Variants in ANKK1 observed in about 807,000 individuals in gnomAD.
ANKK1 encodes the protein ankyrin repeat and kinase domain containing 1, also known as ankyrin repeat and protein kinase domain-containing protein 1.
Under a neutral mutation model 37.6 loss-of-function variants are expected in ANKK1, and 37 were observed. That is an observed-to-expected ratio of 0.98 (90% CI 0.76 to 1.29). The LOEUF is 1.29. Ranked by LOEUF, ANKK1 falls within the 50% of genes most tolerant of loss-of-function variation. The pLI, the probability that ANKK1 is intolerant of heterozygous loss-of-function variation, is 0.00. For synonymous variants in ANKK1, 415 were observed against 418.7 expected (o/e 0.99, Z 0.11); for missense variants, 1,019 against 990.6 (o/e 1.03, Z -0.39).
chr11:113,389,071 A>C (rs1950569185), intron 1 of ANKK1, among the ~76,000 whole-genome samples: 1 of 152,170 alleles, frequency 6.6e-6, no homozygotes, highest in African/African-American at 2.4e-5. Context: ...GAGAGGAAAA[A>C]TAAGATCGCC....
chr11:113,397,292 GC>G lies in ANKK1; in HGVS notation c.910del (p.Leu304TrpfsTer25). The G allele has an allele frequency of 6.2e-7, 1 of 1,612,704 alleles. No individual in the cohort carries two copies. The highest frequency in any genetic ancestry group is 8.5e-7 in the Non-Finnish European group (1 of 1,179,852). On this transcript the variant is annotated frameshift_variant, in exon 6 of 8. Coordinates refer to ENST00000303941, the MANE Select transcript of ANKK1 (RefSeq NM_178510.2). LOFTEE classifies it high-confidence loss of function. The part of the protein sequence containing the change: ...QSRVAVPESK[A>X]LARKVSCKLS... ...TCGTGTGGCAGTCCCAGAGAGCAAG[GC>G]CCTGGCCAGGAAGGTGTCCTGCAAG...
At position 113,393,761 on chromosome 11, in the gene ANKK1, A is replaced by T; in HGVS notation, c.466A>T (p.Asn156Tyr). 1 of 1,603,914 alleles carries T rather than the reference A, an allele frequency of 6.2e-7. No individual in the cohort carries two copies. The highest frequency in any genetic ancestry group is 8.5e-7 in the Non-Finnish European group (1 of 1,175,828). The change falls in exon 2 of 8, where the codon AAC (asparagine) becomes TAC (tyrosine). Residue 156 changes from asparagine (N) to tyrosine (Y), a missense_variant. Asn to Tyr is a moderately radical substitution (Grantham distance 143). Transcript: ENST00000303941. ...GCCGGGCAACATACTCCTGGACAGC[A>T]ACATGCATGTCAAAGTAAGGGCTCT... The part of the protein sequence containing the change: ...LKPGNILLDS[N>Y]MHVKISDFGL...
Position 113,390,389 on chromosome 11 carries a change from G to T in ANKK1, c.185+2320G>T, listed in dbSNP as rs78343810. On this transcript the variant is annotated intron_variant, in intron 1 of 7. Transcript: ENST00000303941. ...GAGTTGTCATGGACATCAGAGTAAA[G>T]GTTGGTGCTAACAATATTAAAACTT... Among the ~76,000 whole-genome samples the T allele has an allele frequency of 8.1e-3, 1,238 of 152,320 alleles. 12 individuals carry two copies. Among genetic ancestry groups the T allele is most frequent in the African/African-American group, 0.028 (1,175 of 41,562 alleles).
At position 113,399,652 on chromosome 11, in the gene ANKK1, C is replaced by CCAGAT. The variant is rs775129985; in HGVS notation, c.1683_1684insCAGAT (p.Gly562GlnfsTer15). 16 of 1,601,752 alleles carry CCAGAT rather than the reference C, an allele frequency of 1.0e-5. No individual in the cohort carries two copies. The Admixed American group carries it at 1.0e-4, about 10-fold the overall frequency. On this transcript the variant is annotated frameshift_variant, in exon 8 of 8. Coordinates refer to ENST00000303941, the MANE Select transcript of ANKK1 (RefSeq NM_178510.2). LOFTEE classifies it low-confidence loss of function (END_TRUNC). ...CTGATGCCCTTGACCAGAGCGGCTACGGCCCACTGCACACTGCAGCTGCCA... is the reference window on the plus strand; with the variant it reads ...CTGATGCCCTTGACCAGAGCGGCTACCAGATGGCCCACTGCACACTGCAGCTGCCA...
chr11:113,399,024 G>T lies in ANKK1; in HGVS notation c.1055G>T (p.Arg352Ile). Reference sequence around the variant, plus strand: ...TCCGACCGTAAGAATTTGGTCCCGAGAGATGAGGAACTGTGTATCTATGAG... The same window carrying T: ...TCCGACCGTAAGAATTTGGTCCCGATAGATGAGGAACTGTGTATCTATGAG... ...QLSDRKNLVPRDEELCIYENK... is the reference protein window; with the variant it reads ...QLSDRKNLVPIDEELCIYENK... The change falls in exon 8 of 8, where the codon AGA (arginine) becomes ATA (isoleucine). Residue 352 changes from arginine (R) to isoleucine (I), a missense_variant. Physicochemically the swap from Arg to Ile is moderately conservative, Grantham distance 97. Transcript: ENST00000303941. 3 of 1,602,006 alleles carry T rather than the reference G, an allele frequency of 1.9e-6. No homozygotes were observed. The highest frequency in any genetic ancestry group is 2.6e-6 in the Non-Finnish European group (3 of 1,174,286).
At chr11:113,393,429 T>A in intron 1 of ANKK1, 52 bp from the exon 2 acceptor site, 2 of 1,547,952 alleles carry the variant, frequency 1.3e-6, no homozygotes, top group Non-Finnish European at 1.8e-6. Context: ...AGCTGGTTGC[T>A]GTAGTAATGA....
At position 113,388,301 on chromosome 11, in the gene ANKK1, A is replaced by G. The variant is rs1028956286; in HGVS notation, c.185+232A>G. Among the ~76,000 whole-genome samples, 8 of 152,340 alleles carry G rather than the reference A, an allele frequency of 5.3e-5. No homozygotes were observed. The East Asian group carries it at 1.4e-3, about 26-fold the overall frequency. On this transcript the variant is annotated intron_variant, in intron 1 of 7. Coordinates refer to ENST00000303941, the MANE Select transcript of ANKK1 (RefSeq NM_178510.2). ...CCTGTTTGTAGACTCAACAGAGGTC[A>G]AAGGCAAGCGGGAACTACCTACCAA...
rs1181156951 is a variant in ANKK1, at chr11:113,399,430, C to T, written c.1461C>T (p.Pro487=). ...ARLLVSRQAD[P]NLHEAEGKTP... ...TTCTGGTCTCCCGTCAGGCTGACCC[C>T]AACCTGCATGAGGCTGAGGGCAAGA... The change falls in exon 8 of 8, where the codon CCC becomes CCT. Residue 487 remains proline (P), a synonymous_variant. Transcript: ENST00000303941. The T allele has an allele frequency of 1.3e-6, 2 of 1,599,870 alleles. No individual in the cohort carries two copies. The highest frequency in any genetic ancestry group is 8.5e-7 in the Non-Finnish European group (1 of 1,173,638).
chr11:113,400,115 G>T lies in ANKK1; in HGVS notation c.2146G>T (p.Ala716Ser), dbSNP rs775999058. ...CCTCAAAGTGCTGGTCGAGGCAGGC[G>T]CCCAGCTGGACGTCCAGGATGGAGT... ...AILKVLVEAG[A>S]QLDVQDGVSC... The change falls in exon 8 of 8, where the codon GCC becomes TCC. Residue 716 changes from alanine (A) to serine (S), a missense_variant. Transcript: ENST00000303941. 1.9e-6 allele frequency: 3 copies of T among 1,612,106 alleles called. No homozygotes were observed. In the African/African-American group the frequency reaches 4.0e-5, roughly 22 times the overall value.
intron 1 of ANKK1, among the ~76,000 whole-genome samples, chr11:113,391,722 A>C (rs1446350935): frequency 1.3e-5 from 2 of 152,176 alleles, no homozygotes; most frequent in Non-Finnish European, 2.9e-5. Flanking sequence ...CTTCAGACAC[A>C]TTTGGTATTG....
chr11:113,397,440 C>T (rs1565652246), intron 6 of ANKK1, 98 bp downstream of exon 6: 4 of 1,034,160 alleles, frequency 3.9e-6, no homozygotes, highest in South Asian at 1.5e-5. Flanking sequence ...CACTCATGCA[C>T]AGCCCAGCTT....
At chr11:113,393,333 T>C (rs1950602660) in intron 1 of ANKK1, 148 bp from the exon 2 acceptor site, 1 of 780,914 alleles carries the variant, frequency 1.3e-6, no homozygotes, top group Non-Finnish European at 2.0e-6. Flanking sequence ...TTGCTTCATG[T>C]CTCTCTTTCC....
At chr11:113,395,515 T>C in intron 4 of ANKK1, 107 bp downstream of exon 4, 1 of 1,211,040 alleles carries the variant, frequency 8.3e-7, no homozygotes, top group Non-Finnish European at 1.2e-6. Flanking sequence ...AAGTTGCAGG[T>C]TTGTGTGGAA....
intron 1 of ANKK1, 119 bp downstream of exon 1, chr11:113,388,188 C>CG (rs1034520008): frequency 7.7e-7 from 1 of 1,296,150 alleles, no homozygotes; most frequent in Non-Finnish European, 1.0e-6. Flanking sequence ...CTGTCCCCCG[C>CG]GGTATTTCTG....
At chr11:113,394,603 G>A (rs961367370) in intron 2 of ANKK1, 24 of 465,928 alleles carry the variant, frequency 5.2e-5, no homozygotes, top group Non-Finnish European at 9.4e-5. Flanking sequence ...ATAGTCTCTG[G>A]ATAATAACAC....
At chr11:113,388,483 T>A (rs566764295) in intron 1 of ANKK1, among the ~76,000 whole-genome samples, 2 of 152,248 alleles carry the variant, frequency 1.3e-5, no homozygotes, top group East Asian at 1.9e-4. Context: ...GGGCTGAGCA[T>A]CCTGGGAGGC....
In ANKK1 at chr11:113,395,051, G is replaced by A. The variant is rs769352838; in HGVS notation, c.603G>A (p.Lys201=). 2 of 1,612,582 alleles carry A rather than the reference G, an allele frequency of 1.2e-6. No individual in the cohort carries two copies. The highest frequency in any genetic ancestry group is 1.7e-6 in the Non-Finnish European group (2 of 1,179,332). The part of the protein sequence containing the change: ...IPPEMFLESN[K]APGPKYDVYS... ...CTGAGATGTTCCTGGAGAGTAACAA[G>A]GCCCCAGGACCTAAATATGATGTGT... Residue 201 remains lysine (K), a synonymous_variant, in exon 3 of 8, where the codon AAG becomes AAA. Transcript: ENST00000303941.
rs866481043 is a variant in ANKK1 at position 113,388,021 on chromosome 11, C to G, written c.137C>G (p.Thr46Arg). ...VFQARHRRWR[T>R]EYAIKCAPCL... ...CAGGCGCGGCACAGGCGCTGGCGGA[C>G]GGAGTACGCCATCAAGTGCGCCCCC... The change falls in exon 1 of 8, where the codon ACG becomes AGG. Residue 46 changes from threonine (T) to arginine (R), a missense_variant. By Grantham distance (71) the Thr-to-Arg change is moderately conservative (BLOSUM62 -1). Transcript: ENST00000303941. The G allele has an allele frequency of 5.2e-6, 8 of 1,553,254 alleles. No individual in the cohort carries two copies. Among genetic ancestry groups the G allele is most frequent in the Non-Finnish European group, 6.9e-6 (8 of 1,151,748 alleles).
In ANKK1 at chr11:113,394,909, C is replaced by T; in HGVS notation, c.481-20C>T. ...ATGAGGCTCTATCACGGCTTTATCT[C>T]TGCCCCTGCCTTCTCCCAGATTTCA... is the stretch of plus-strand genomic sequence containing the variant. On this transcript the variant is annotated intron_variant, in intron 2 of 7. Coordinates refer to ENST00000303941, the MANE Select transcript of ANKK1 (RefSeq NM_178510.2). The T allele has an allele frequency of 6.2e-7, 1 of 1,602,658 alleles. No individual in the cohort carries two copies. Among genetic ancestry groups the T allele is most frequent in the Non-Finnish European group, 8.5e-7 (1 of 1,171,896 alleles).
Sources: allele counts gnomAD v4.1 joint callset (sites outside exome capture counted in the v4.1 genomes callset), GRCh38; gene constraint gnomAD v4.1.1; transcripts MANE v1.5; gene names NCBI Gene and HGNC (gene_info 2026-07-23, HGNC 2026-07-21).